Variants in SPTBN5 observed in about 807,000 individuals in gnomAD.
The protein encoded by SPTBN5 is spectrin beta, non-erythrocytic 5.
A neutral mutation model predicts 477.6 loss-of-function variants in SPTBN5; 513 were observed. That is an observed-to-expected ratio of 1.07 (90% CI 1.00 to 1.16). The LOEUF is 1.16. SPTBN5 is among the 50% of genes most tolerant of loss of function. The pLI is 0.00. For synonymous variants in SPTBN5, 2,169 were observed against 2,011.7 expected, an observed-to-expected ratio of 1.08 and a Z score of -2.09; for missense variants, 5,062 against 4,731.8, an observed-to-expected ratio of 1.07 and a Z score of -2.05.
chr15:41,856,592 C>G lies in SPTBN5; in HGVS notation c.8815G>C (p.Glu2939Gln), dbSNP rs1043192317. ...GCCTCGTGGCTGCTCATCTCACTCT[C>G]CAGGTTCTGCGGGGGAGGAGGCAGG... ...RHLQEQHQNL[E>Q]SEMSSHEALT... Residue 2939 changes from glutamate to glutamine, a missense_variant, in exon 53 of 68, where the codon GAG becomes CAG. Coordinates refer to ENST00000320955, the MANE Select transcript of SPTBN5 (RefSeq NM_016642.4). 8.2e-6 allele frequency: 13 copies of G among 1,585,034 alleles called. No individual in the cohort carries two copies. The highest frequency in any genetic ancestry group is 1.3e-5 in the African/African-American group (1 of 74,372).
rs146528385 is a variant in SPTBN5, at chr15:41,881,372, G to A, written c.2458-138C>T. On this transcript the variant is annotated intron_variant, in intron 12 of 67. Coordinates refer to ENST00000320955, the MANE Select transcript of SPTBN5 (RefSeq NM_016642.4). ...AAAGGGTGTGTGGGACATGGGTCTG[G>A]GGGACAGGAAGCTTCCTTGGGGCTG... 3.8e-3 allele frequency: 2,596 copies of A among 689,950 alleles called. 13 individuals are homozygous for A. The highest frequency in any genetic ancestry group is 7.0e-3 in the Middle Eastern group (17 of 2,416). 42.7% of individuals were successfully genotyped at this position (689,950 alleles called of 1,614,324 possible). A position where few individuals can be genotyped will look rare whatever the true frequency, so the allele number is the denominator to read the frequency against.
intron 18 of SPTBN5, 66 bp downstream of exon 18, chr15:41,877,050 C>T: frequency 1.2e-6 from 2 of 1,601,984 alleles, no homozygotes; most frequent in Non-Finnish European, 1.7e-6. Flanking sequence ...GGCTTCTGGA[C>T]TCAAGGGGAT....
Position 41,886,353 on chromosome 15 carries a change from A to C in SPTBN5, c.902T>G (p.Leu301Arg), listed in dbSNP as rs772319320. 20 of 1,601,706 alleles carry C rather than the reference A, an allele frequency of 1.2e-5. 2 individuals are homozygous for C. In the South Asian group the frequency reaches 2.2e-4, roughly 18 times the overall value. The change falls in exon 7 of 68, where the codon CTC (leucine) becomes CGC (arginine). Residue 301 changes from leucine to arginine, a missense_variant. Transcript: ENST00000320955. The part of the protein sequence containing the change: ...QRRLTKILLQ[L>R]QETELLQTQY... Reference sequence around the variant, plus strand: ...GGTCTGCAGCAGCTCTGTCTCCTGGAGCTGAAGCAGGATCTGGTGGAGGGC... The same window carrying C: ...GGTCTGCAGCAGCTCTGTCTCCTGGCGCTGAAGCAGGATCTGGTGGAGGGC...
intron 66 of SPTBN5, 154 bp from the exon 67 acceptor site, chr15:41,850,113 T>C (rs2065702405): frequency 1.4e-5 from 9 of 654,372 alleles, no homozygotes; most frequent in Middle Eastern, 3.2e-4. Context: ...TGGGGCGGGC[T>C]GAGCACTTGT....
In SPTBN5 at chr15:41,858,973, C is replaced by G; in HGVS notation, c.7996G>C (p.Ala2666Pro). Residue 2666 changes from alanine to proline, a missense_variant, in exon 48 of 68, where the codon GCG becomes CCG. Transcript: ENST00000320955. The stretch of plus-strand genomic sequence containing the variant: ...CGGGTCCCGGCTTGCCTGAAGAGCG[C>G]CTCCTTCCTGCCAGGAGGAGAGGCT... ...RCQAMLLRKE[A>P]LFRQAGTRRH... The G allele has an allele frequency of 1.9e-6, 3 of 1,558,064 alleles. No individual in the cohort carries two copies. The highest frequency in any genetic ancestry group is 2.6e-6 in the Non-Finnish European group (3 of 1,152,112).
rs7163756 is a variant in SPTBN5, at chr15:41,893,117, T to C, written c.217-56A>G. The C allele has an allele frequency of 6.9e-6, 11 of 1,589,070 alleles. No homozygotes were observed. In the African/African-American group the frequency reaches 1.5e-4, roughly 21 times the overall value. On this transcript the variant is annotated intron_variant, in intron 2 of 67. Transcript: ENST00000320955. Reference sequence around the variant, plus strand: ...CAGCCCAGCCTCACCTGTCCTCCCATCCTGGGACCTGAGAGGTACGACCCA... The same window carrying C: ...CAGCCCAGCCTCACCTGTCCTCCCACCCTGGGACCTGAGAGGTACGACCCA...
Position 41,852,709 on chromosome 15 carries a change from C to A in SPTBN5, c.10374G>T (p.Leu3458=). ...TTTCTAAGTCCTGGTGTCTGTGCAG[C>A]AGCAACTCCACATCTGACACTGAGT... ...YGHSVSDVEL[L]LHRHQDLEKL... Residue 3458 remains leucine (L), a synonymous_variant, in exon 61 of 68, where the codon CTG becomes CTT. Coordinates refer to ENST00000320955, the MANE Select transcript of SPTBN5 (RefSeq NM_016642.4). 6.2e-7 allele frequency: 1 copy of A among 1,613,446 alleles called. No individual in the cohort carries two copies. The highest frequency in any genetic ancestry group is 8.5e-7 in the Non-Finnish European group (1 of 1,179,862).
intron 22 of SPTBN5, 69 bp from the exon 23 acceptor site, chr15:41,875,125 T>C (rs1213149517): frequency 9.1e-6 from 13 of 1,422,628 alleles, no homozygotes; most frequent in Non-Finnish European, 1.2e-5. Flanking sequence ...TCCCGGGCTC[T>C]GGGACTGTTG....
Position 41,866,493 on chromosome 15 carries a change from C to T in SPTBN5, c.6481G>A (p.Ala2161Thr), listed in dbSNP as rs1476458691. ...MASFTQAATQ[A>T]EDWIQAWAQQ... ...GCCCACGCCTGGATCCAGTCCTCAG[C>T]CTGGTGGGGGTGGGACATGAATGCT... Residue 2161 changes from alanine to threonine, a missense_variant and splice_region_variant, in exon 37 of 68, where the codon GCT becomes ACT. Transcript: ENST00000320955. The T allele has an allele frequency of 6.4e-7, 1 of 1,560,360 alleles. No homozygotes were observed.
At chr15:41,862,077 G>T in intron 44 of SPTBN5, 53 bp downstream of exon 44, 1 of 1,393,242 alleles carries the variant, frequency 7.2e-7, no homozygotes, top group Non-Finnish European at 9.6e-7. Context: ...AGGAAGGGGA[G>T]GGCAGGGCGG....
intron 62 of SPTBN5, 120 bp downstream of exon 62, chr15:41,852,062 T>A: frequency 1.6e-6 from 2 of 1,283,212 alleles, no homozygotes; most frequent in Non-Finnish European, 2.1e-6. Flanking sequence ...CTTCAGCTCC[T>A]GTGCCCGGGC....
At chr15:41,889,172 T>C (rs898080328) in intron 4 of SPTBN5, among the ~76,000 whole-genome samples, 1 of 152,176 alleles carries the variant, frequency 6.6e-6, no homozygotes, top group Admixed American at 6.5e-5. Flanking sequence ...TGAAAGGGCT[T>C]GAGGTCAGTT....
chr15:41,887,905 T>C, intron 5 of SPTBN5, 23 bp downstream of exon 5: 3 of 1,599,482 alleles, frequency 1.9e-6, no homozygotes, highest in Non-Finnish European at 2.6e-6. Context: ...GGCAGAGGCC[T>C]CCTGACAAGG....
chr15:41,878,510 GTC>G lies in SPTBN5; in HGVS notation c.3300_3301del (p.Glu1100AspfsTer204). ...TTGCAGGAAGCTCTGCCGGGCCTGA[GTC>G]TCAGCCTGGCGCCGGGCCCGTTGGG... is the stretch of plus-strand genomic sequence containing the variant. On this transcript the variant is annotated frameshift_variant, in exon 17 of 68. Coordinates refer to ENST00000320955, the MANE Select transcript of SPTBN5 (RefSeq NM_016642.4). LOFTEE classifies it high-confidence loss of function. 1 of 1,613,290 alleles carries G rather than the reference GTC, an allele frequency of 6.2e-7. No individual in the cohort carries two copies. The highest frequency in any genetic ancestry group is 8.5e-7 in the Non-Finnish European group (1 of 1,179,802).
Position 41,861,422 on chromosome 15 carries a change from T to C in SPTBN5, c.7812A>G (p.Leu2604=). Reference sequence around the variant, plus strand: ...CCCATTCCTGCTGGGCACCTACCCATAGACCCTCACTGGCTAGGGAGTCTT... The same window carrying C: ...CCCATTCCTGCTGGGCACCTACCCACAGACCCTCACTGGCTAGGGAGTCTT... The part of the protein sequence containing the change: ...SKEDSLASEG[L]WDPLAPMEPL... The change falls in exon 46 of 68, where the codon CTA becomes CTG. Residue 2604 remains leucine (L), a synonymous_variant. Transcript: ENST00000320955. 6.2e-7 allele frequency: 1 copy of C among 1,613,006 alleles called. No individual in the cohort carries two copies. Among genetic ancestry groups the C allele is most frequent in the Non-Finnish European group, 8.5e-7 (1 of 1,179,368 alleles).
chr15:41,871,640 G>T (rs1268398117), intron 28 of SPTBN5, 120 bp from the exon 29 acceptor site: 8 of 1,413,034 alleles, frequency 5.7e-6, no homozygotes, highest in Non-Finnish European at 7.5e-6. Context: ...CACGGCGTCT[G>T]CCCGCTCCAC....
intron 45 of SPTBN5, 38 bp downstream of exon 45, chr15:41,861,697 G>C (rs142713755): frequency 3.0e-5 from 45 of 1,520,766 alleles, no homozygotes; most frequent in South Asian, 2.4e-4. Flanking sequence ...CCCTGTTCGG[G>C]GGGGCAAGAT....
At position 41,852,826 on chromosome 15, in the gene SPTBN5, C is replaced by G; in HGVS notation, c.10345G>C (p.Gly3449Arg). ...WEGLLLKPDY[G>R]HSVSDVELLL... is the part of the protein sequence containing the mutation. ...TAAGGGGCAGGACCCCCACTCACCC[C>G]ATAGTCGGGCTTCAGCAGGAGTCCC... Residue 3449 changes from glycine (G) to arginine (R), a missense_variant and splice_region_variant, in exon 60 of 68, where the codon GGG becomes CGG. By Grantham distance (125) the Gly-to-Arg change is moderately radical. Transcript: ENST00000320955. The G allele has an allele frequency of 6.2e-7, 1 of 1,608,160 alleles. No individual in the cohort carries two copies. Among genetic ancestry groups the G allele is most frequent in the Non-Finnish European group, 8.5e-7 (1 of 1,176,416 alleles).
In SPTBN5 at chr15:41,876,526, C is replaced by T. The variant is rs368875724; in HGVS notation, c.3951+22G>A. 4.2e-5 allele frequency: 66 copies of T among 1,565,748 alleles called. No homozygotes were observed. In the East Asian group the frequency reaches 4.5e-4, roughly 11 times the overall value. On this transcript the variant is annotated intron_variant, in intron 20 of 67. Coordinates refer to ENST00000320955, the MANE Select transcript of SPTBN5 (RefSeq NM_016642.4). ...GCTTTCTTTTCAGGGAGGCGTCATGCGACCTGGGCCCAGACCCTCACCTGG... is the reference window on the plus strand; with the variant it reads ...GCTTTCTTTTCAGGGAGGCGTCATGTGACCTGGGCCCAGACCCTCACCTGG...
Sources: gnomAD v4.1 joint callset for allele counts (sites outside exome capture counted in the v4.1 genomes callset) on GRCh38, gnomAD v4.1.1 for gene constraint, MANE v1.5 for transcripts, NCBI Gene and HGNC (gene_info 2026-07-23, HGNC 2026-07-21) for gene names.